CHODL: variants seen among roughly 807,000 people sequenced by gnomAD.
CHODL encodes the protein chondrolectin, also known as transmembrane protein MT75.
CHODL carries 29 observed loss-of-function variants against 34.5 expected under a neutral mutation model. The observed-to-expected ratio is 0.84, with a 90% confidence interval of 0.63 to 1.15. The LOEUF (loss-of-function observed/expected upper bound fraction) is 1.15, where lower values mean the gene tolerates loss of function less well. Ranked by LOEUF, CHODL falls within the 50% of genes most tolerant of loss-of-function variation. The pLI, the probability that CHODL is intolerant of heterozygous loss-of-function variation, is 0.00. For missense variants in CHODL, 332 were observed against 332.5 expected (o/e 1.00, Z 0.01); for synonymous variants, 125 against 116.1 (o/e 1.08, Z -0.49).
intron 1 of CHODL, among the ~76,000 whole-genome samples, chr21:18,015,549 A>G (rs147670215): frequency 4.3e-4 from 66 of 152,306 alleles, no homozygotes; most frequent in African/African-American, 1.6e-3. Flanking sequence ...AGATCCCTGA[A>G]AATGGGGAAG....
intron 2 of CHODL, among the ~76,000 whole-genome samples, chr21:18,102,628 T>C (rs1050894657): frequency 2.6e-5 from 4 of 152,340 alleles, no homozygotes; most frequent in Admixed American, 6.5e-5. Context: ...ACAGTGTATA[T>C]AATGCATAGC....
At chr21:18,047,883 G>A (rs1374168431) in intron 2 of CHODL, among the ~76,000 whole-genome samples, 2 of 151,944 alleles carry the variant, frequency 1.3e-5, no homozygotes, top group Non-Finnish European at 2.9e-5. Flanking sequence ...TGTGGGTGGT[G>A]AGGACAAGAG....
intron 2 of CHODL, among the ~76,000 whole-genome samples, chr21:18,106,503 T>TG (rs2065274641): frequency 6.7e-6 from 1 of 149,006 alleles, no homozygotes; most frequent in Non-Finnish European, 1.5e-5. Flanking sequence ...TTCTTTTTCT[T>TG]TTTTTTTTTT....
intron 2 of CHODL, among the ~76,000 whole-genome samples, chr21:18,078,609 T>C (rs968570684): frequency 2.6e-5 from 4 of 152,198 alleles, no homozygotes; most frequent in Non-Finnish European, 2.9e-5. Context: ...TTCATTTCTG[T>C]TTATATTTTT....
At chr21:18,031,232 A>C (rs902076611) in intron 2 of CHODL, among the ~76,000 whole-genome samples, 1 of 152,130 alleles carries the variant, frequency 6.6e-6, no homozygotes, top group Non-Finnish European at 1.5e-5. Flanking sequence ...CCCTATCTGG[A>C]AAAGTTGTTC....
intron 2 of CHODL, among the ~76,000 whole-genome samples, chr21:18,204,252 C>A (rs1031537087): frequency 5.3e-5 from 8 of 152,214 alleles, no homozygotes; most frequent in African/African-American, 1.9e-4. Flanking sequence ...ACTAAAAAAA[C>A]CTTAAATACA....
intron 1 of CHODL, among the ~76,000 whole-genome samples, chr21:17,979,206 A>G (rs1476625047): frequency 6.6e-6 from 1 of 152,132 alleles, no homozygotes; most frequent in African/African-American, 2.4e-5. Context: ...TCTTTGGGGG[A>G]CCATTTTGCC....
chr21:18,161,594 T>A lies in CHODL; in HGVS notation c.-44-94915T>A, dbSNP rs537041211. On this transcript the variant is annotated intron_variant, in intron 2 of 6. Coordinates refer to the CHODL transcript ENST00000400127. ...GGTCATGCTTTCTCTTACTTTTTAC[T>A]TTTTATTTTTTTCCTTAGTCTTGTG... Among the ~76,000 whole-genome samples the A allele has an allele frequency of 4.6e-5, 7 of 152,320 alleles. No individual in the cohort carries two copies. In the South Asian group the frequency reaches 6.2e-4, roughly 14 times the overall value.
chr21:18,093,930 A>G (rs1278847408), intron 2 of CHODL, among the ~76,000 whole-genome samples: 1 of 152,114 alleles, frequency 6.6e-6, no homozygotes, highest in African/African-American at 2.4e-5. Flanking sequence ...CAATAAAAAG[A>G]CATACACTTG....
chr21:18,145,297 C>A (rs1026351001), intron 2 of CHODL, among the ~76,000 whole-genome samples: 5 of 147,944 alleles, frequency 3.4e-5, no homozygotes, highest in African/African-American at 1.2e-4. Context: ...ATTAGCCGGG[C>A]GCGGTGGCGG....
intron 2 of CHODL, among the ~76,000 whole-genome samples, chr21:18,189,018 T>G (rs1378358571): frequency 6.6e-6 from 1 of 152,190 alleles, no homozygotes; most frequent in Admixed American, 6.5e-5. Context: ...CAATAGCCCT[T>G]GTGCGCAATA....
intron 2 of CHODL, among the ~76,000 whole-genome samples, chr21:18,207,328 CA>C (rs2073723560): frequency 6.6e-6 from 1 of 152,086 alleles, no homozygotes; most frequent in Non-Finnish European, 1.5e-5. Flanking sequence ...ATTGCATAAA[CA>C]AAGATAAAAC....
intron 2 of CHODL, among the ~76,000 whole-genome samples, chr21:18,040,304 A>G (rs2064359700): frequency 6.6e-6 from 1 of 151,886 alleles, no homozygotes; most frequent in African/African-American, 2.4e-5. Context: ...ACTCTGTATT[A>G]TCTTTACAAA....
intron 2 of CHODL, among the ~76,000 whole-genome samples, chr21:18,136,719 C>CATATATATATATATAT (rs147280660): frequency 1.7e-5 from 2 of 118,730 alleles, no homozygotes; most frequent in Non-Finnish European, 3.7e-5. Context: ...TAAATCAAAG[C>CATATATATATATATAT]ATATATATAT....
At chr21:18,232,211 T>C (rs1040409690) in intron 2 of CHODL, among the ~76,000 whole-genome samples, 1 of 152,170 alleles carries the variant, frequency 6.6e-6, no homozygotes, top group African/African-American at 2.4e-5. Flanking sequence ...ATTCAAGCAG[T>C]AATATTTATA....
intron 2 of CHODL, among the ~76,000 whole-genome samples, chr21:18,221,053 C>T (rs2073878485): frequency 6.6e-6 from 1 of 152,054 alleles, no homozygotes. Flanking sequence ...TTGAGGGTGT[C>T]CCATGTGTCA....
intron 2 of CHODL, chr21:18,034,727 A>G (rs529125208): frequency 6.6e-6 from 1 of 152,200 alleles, no homozygotes; most frequent in East Asian, 1.9e-4. Flanking sequence ...TTCTATATAA[A>G]TTGTCTGGGT....
At chr21:18,032,224 A>C (rs1015188164) in intron 2 of CHODL, among the ~76,000 whole-genome samples, 2 of 152,104 alleles carry the variant, frequency 1.3e-5, no homozygotes, top group African/African-American at 4.8e-5. Context: ...AGGTGTTCAC[A>C]CCAGAAAAAT....
At chr21:17,983,270 C>T (rs756947012) in intron 1 of CHODL, among the ~76,000 whole-genome samples, 9 of 152,206 alleles carry the variant, frequency 5.9e-5, no homozygotes, top group Non-Finnish European at 1.3e-4. Context: ...TAGTATATGG[C>T]ACTTAACAAC....
Sources: gnomAD v4.1 joint callset for allele counts (sites outside exome capture counted in the v4.1 genomes callset) on GRCh38, gnomAD v4.1.1 for gene constraint, MANE v1.5 for transcripts, NCBI Gene and HGNC (gene_info 2026-07-23, HGNC 2026-07-21) for gene names.